KLHL3: variants seen among roughly 807,000 people sequenced by gnomAD.
KLHL3 encodes kelch-like protein 3.
KLHL3 carries 19 observed loss-of-function variants against 70.5 expected under a neutral mutation model. The ratio of observed to expected loss-of-function variants is 0.27; its 90% confidence interval spans 0.19 to 0.40. KLHL3 has a LOEUF of 0.40. Ranked by LOEUF, KLHL3 falls within the 10% of genes least tolerant of loss-of-function variation. KLHL3 has a pLI of 1.00. For synonymous variants in KLHL3, 258 were observed against 290.3 expected (o/e 0.89, Z 1.13); for missense variants, 512 against 771.1 (o/e 0.66, Z 3.98).
At chr5:137,698,195 C>G (rs1752489981) in intron 4 of KLHL3, 92 bp downstream of exon 4, 1 of 1,510,470 alleles carries the variant, frequency 6.6e-7, no homozygotes, top group Non-Finnish European at 9.0e-7. Context: ...CAGTAACCAA[C>G]TGAATTGTTG....
At chr5:137,667,111 T>C (rs1751632590) in intron 6 of KLHL3, among the ~76,000 whole-genome samples, 1 of 152,246 alleles carries the variant, frequency 6.6e-6, no homozygotes, top group Non-Finnish European at 1.5e-5. Flanking sequence ...CCACCTGTTT[T>C]GGTAAATAAA....
intron 6 of KLHL3, among the ~76,000 whole-genome samples, chr5:137,667,274 T>C (rs891786545): frequency 2.6e-5 from 4 of 152,232 alleles, no homozygotes; most frequent in Non-Finnish European, 2.9e-5. Flanking sequence ...CCCTGGTCTA[T>C]AAAATCTAAG....
chr5:137,641,609 C>A (rs531511856), intron 8 of KLHL3, among the ~76,000 whole-genome samples: 1 of 152,302 alleles, frequency 6.6e-6, no homozygotes, highest in South Asian at 2.1e-4. Flanking sequence ...CTCGCAAAGG[C>A]ACATCCCTCA....
Position 137,618,408 on chromosome 5 carries a change from G to C in KLHL3, c.*3690C>G, listed in dbSNP as rs1258498925. 2 of 152,160 alleles carry C rather than the reference G, an allele frequency of 1.3e-5. No homozygotes were observed. Among genetic ancestry groups the C allele is most frequent in the African/African-American group, 2.4e-5 (1 of 41,428 alleles). The allele number at this position is 152,160 out of a possible 1,614,324, so 9.4% of individuals were successfully genotyped here. On this transcript the variant is annotated 3_prime_UTR_variant, in exon 15 of 15. Transcript: ENST00000309755. ...AATACACAAAACAGAGCCTGGAGTAGAGACATAGCTCAAGAAGCAAGTTGT... is the reference window on the plus strand; with the variant it reads ...AATACACAAAACAGAGCCTGGAGTACAGACATAGCTCAAGAAGCAAGTTGT...
At chr5:137,640,681 G>A (rs1006618667) in intron 8 of KLHL3, among the ~76,000 whole-genome samples, 2 of 152,112 alleles carry the variant, frequency 1.3e-5, no homozygotes, top group Non-Finnish European at 2.9e-5. Flanking sequence ...ACAGCTAAGA[G>A]TGTAGGCAGA....
intron 8 of KLHL3, among the ~76,000 whole-genome samples, chr5:137,645,717 C>T (rs930463482): frequency 1.3e-5 from 2 of 151,812 alleles, no homozygotes; most frequent in Admixed American, 1.3e-4. Flanking sequence ...TGTTAAAATG[C>T]TCATACTACC....
chr5:137,677,311 GGT>G, intron 6 of KLHL3: 1 of 344,424 alleles, frequency 2.9e-6, no homozygotes, highest in Non-Finnish European at 5.2e-6. Flanking sequence ...AGCTGGGCAT[GGT>G]GGCGGGTGCC....
chr5:137,733,154 T>G (rs1312014320), intron 1 of KLHL3, among the ~76,000 whole-genome samples: 2 of 152,212 alleles, frequency 1.3e-5, no homozygotes, highest in Non-Finnish European at 2.9e-5. Flanking sequence ...GTTGGACATG[T>G]GATCCTAGGC....
intron 8 of KLHL3, 100 bp from the exon 9 acceptor site, chr5:137,640,077 G>T: frequency 2.1e-6 from 2 of 944,350 alleles, no homozygotes; most frequent in Non-Finnish European, 3.4e-6. Context: ...GTGTGTGGAT[G>T]ATCTGAGATG....
chr5:137,699,780 T>C (rs2149922941), intron 3 of KLHL3, among the ~76,000 whole-genome samples: 1 of 152,250 alleles, frequency 6.6e-6, no homozygotes, highest in South Asian at 2.1e-4. Context: ...GAAGCCTCAA[T>C]GTGAGTGTGA....
chr5:137,639,870 T>C lies in KLHL3; in HGVS notation c.1011A>G (p.Arg337=). Residue 337 remains arginine, a synonymous_variant, in exon 9 of 15, where the codon AGA becomes AGG. Coordinates refer to ENST00000309755, the MANE Select transcript of KLHL3 (RefSeq NM_017415.3). The surrounding 1 kb of genome is among the most constrained non-coding windows in gnomAD (Gnocchi z 5.0). ...TGGGAGGCTGCTCACCTGCTCTGCA[T>C]CTTCTGGAAGGAAGCTCAGCAATCT... ...WDQIAELPSR[R]CRAGVVFMAG... 6.2e-7 allele frequency: 1 copy of C among 1,613,776 alleles called. No individual in the cohort carries two copies. The highest frequency in any genetic ancestry group is 8.5e-7 in the Non-Finnish European group (1 of 1,179,710).
chr5:137,718,753 A>G (rs1752942393), intron 2 of KLHL3, among the ~76,000 whole-genome samples: 1 of 152,252 alleles, frequency 6.6e-6, no homozygotes, highest in African/African-American at 2.4e-5. Flanking sequence ...CAAGAGAACC[A>G]TGCCCATAAG....
In KLHL3 at chr5:137,639,784, G is replaced by GAGTA; in HGVS notation, c.1021+72_1021+75dup. On this transcript the variant is annotated intron_variant, in intron 9 of 14. Transcript: ENST00000309755. This position sits in a 1 kb window ranked among gnomAD's most constrained non-coding sequence, Gnocchi z 5.0. Reference sequence around the variant, plus strand: ...ATGCACAGATGCTTGAGGAAACAAGGAGTAGCTCACGACTTCTGGCACGGA... The same window carrying GAGTA: ...ATGCACAGATGCTTGAGGAAACAAGGAGTAAGTAGCTCACGACTTCTGGCACGGA... 9.7e-7 allele frequency: 1 copy of GAGTA among 1,030,542 alleles called. No homozygotes were observed. Among genetic ancestry groups the GAGTA allele is most frequent in the South Asian group, 1.3e-5 (1 of 76,800 alleles). 63.8% of individuals were successfully genotyped at this position (1,030,542 alleles called of 1,614,324 possible).
intron 1 of KLHL3, among the ~76,000 whole-genome samples, chr5:137,724,382 C>G (rs1580788424): frequency 6.6e-6 from 1 of 152,182 alleles, no homozygotes; most frequent in African/African-American, 2.4e-5. Flanking sequence ...GGCTAGTGAA[C>G]AGGAAAGCTC....
chr5:137,698,196 T>A, intron 4 of KLHL3, 91 bp downstream of exon 4: 1 of 1,512,186 alleles, frequency 6.6e-7, no homozygotes, highest in South Asian at 1.2e-5. Context: ...AGTAACCAAC[T>A]GAATTGTTGT....
chr5:137,702,551 G>A (rs1302700669), intron 3 of KLHL3, among the ~76,000 whole-genome samples: 1 of 152,190 alleles, frequency 6.6e-6, no homozygotes, highest in Admixed American at 6.5e-5. Flanking sequence ...TACAGGCCAC[G>A]CTAAGGAGTT....
chr5:137,625,197 T>C (rs1750429297), intron 14 of KLHL3, among the ~76,000 whole-genome samples: 1 of 152,284 alleles, frequency 6.6e-6, no homozygotes, highest in African/African-American at 2.4e-5. Context: ...GGACAGCTAT[T>C]TGTGTGATTG....
rs537814896 is a variant in KLHL3, at chr5:137,620,850, G to A, written c.*1248C>T. The stretch of plus-strand genomic sequence containing the variant: ...GTGGGGTTCTTGGGGGTTGGGGAGA[G>A]GGTGCACACCCTGGAATAGGGGGAA... On this transcript the variant is annotated 3_prime_UTR_variant, in exon 15 of 15. Coordinates refer to ENST00000309755, the MANE Select transcript of KLHL3 (RefSeq NM_017415.3). The A allele has an allele frequency of 1.4e-4, 22 of 152,326 alleles. No individual in the cohort carries two copies. The East Asian group carries it at 3.7e-3, about 25-fold the overall frequency. 9.4% of individuals were successfully genotyped at this position (152,326 alleles called of 1,614,324 possible). A position where few individuals can be genotyped will look rare whatever the true frequency, so the allele number is the denominator to read the frequency against.
rs183385263 is a variant in KLHL3 at position 137,708,931 on chromosome 5, C to A, written c.241+819G>T. Reference sequence around the variant, plus strand: ...ATGTAGAAGGGACACCTGACCCAGTCTGGAGGTCTCACCAAGCCCAGATGG... The same window carrying A: ...ATGTAGAAGGGACACCTGACCCAGTATGGAGGTCTCACCAAGCCCAGATGG... On this transcript the variant is annotated intron_variant, in intron 3 of 14. Transcript: ENST00000309755. 3.9e-5 allele frequency among the ~76,000 whole-genome samples: 6 copies of A among 152,334 alleles called. No individual in the cohort carries two copies. The East Asian group carries it at 9.6e-4, about 24-fold the overall frequency.
Sources: gnomAD v4.1 joint callset for allele counts (sites outside exome capture counted in the v4.1 genomes callset) on GRCh38, gnomAD v4.1.1 for gene constraint, Gnocchi (gnomAD v3.1) non-coding constraint, MANE v1.5 for transcripts, NCBI Gene and HGNC (gene_info 2026-07-23, HGNC 2026-07-21) for gene names.